PUM3: variants seen among roughly 807,000 people sequenced by gnomAD.
PUM3 encodes the protein pumilio homolog 3.
In PUM3, 91 loss-of-function variants were observed where a neutral mutation model predicts 84.0. The observed-to-expected ratio is 1.08, with a 90% confidence interval of 0.91 to 1.29. The LOEUF (loss-of-function observed/expected upper bound fraction) is 1.29. PUM3 is among the 50% of genes most tolerant of loss of function. The pLI is 0.00. For missense variants in PUM3, 1,067 were observed against 767.5 expected (o/e 1.39, Z -4.61); for synonymous variants, 321 against 266.7 (o/e 1.20, Z -1.98).
chr9:2,840,895 C>A (rs1472259698), intron 1 of PUM3, among the ~76,000 whole-genome samples: 1 of 152,236 alleles, frequency 6.6e-6, no homozygotes, highest in African/African-American at 2.4e-5. Flanking sequence ...GAGTGCTAGG[C>A]GCACTTGTTG....
chr9:2,816,649 C>G (rs1002745396), intron 13 of PUM3, among the ~76,000 whole-genome samples: 2 of 152,164 alleles, frequency 1.3e-5, no homozygotes, highest in African/African-American at 4.8e-5. Context: ...ACAGTCCCTC[C>G]CACATCTCCT....
chr9:2,817,488 C>T (rs1821495953), intron 13 of PUM3, among the ~76,000 whole-genome samples: 1 of 151,844 alleles, frequency 6.6e-6, no homozygotes, highest in Non-Finnish European at 1.5e-5. Flanking sequence ...GCTTGCTGAC[C>T]CCTGACAATA....
chr9:2,824,910 G>A (rs1303696488), intron 10 of PUM3, 95 bp from the exon 11 acceptor site: 6 of 708,260 alleles, frequency 8.5e-6, no homozygotes, highest in Non-Finnish European at 1.2e-5. Context: ...TATGCAGAGA[G>A]AAGGAAAGGA....
In PUM3 at chr9:2,829,756, G is replaced by T; in HGVS notation, c.852+18C>A. On this transcript the variant is annotated intron_variant, in intron 8 of 17. Coordinates refer to ENST00000397885, the MANE Select transcript of PUM3 (RefSeq NM_014878.5). ...TCGAAAAGTAAAAATACTAGAAAAA[G>T]ACTTCTGGAGATGTCACCTTGTAAA... 1 of 1,589,192 alleles carries T rather than the reference G, an allele frequency of 6.3e-7. No homozygotes were observed. Among genetic ancestry groups the T allele is most frequent in the Non-Finnish European group, 8.6e-7 (1 of 1,164,260 alleles).
rs540270811 is a variant in PUM3 at position 2,807,902 on chromosome 9, A to C, written c.1726T>G (p.Cys576Gly). 1.8e-5 allele frequency: 29 copies of C among 1,601,460 alleles called. No individual in the cohort carries two copies. The highest frequency in any genetic ancestry group is 2.5e-5 in the Non-Finnish European group (29 of 1,169,304). The change falls in exon 17 of 18, where the codon TGT becomes GGT. Residue 576 changes from cysteine (C) to glycine (G), a missense_variant and splice_region_variant. Physicochemically the swap from Cys to Gly is radical, Grantham distance 159 (BLOSUM62 -3). Coordinates refer to ENST00000397885, the MANE Select transcript of PUM3 (RefSeq NM_014878.5). Reference protein sequence around the residue: ...KKMKENGREGCFAKTLVEHVG... With the variant: ...KKMKENGREGGFAKTLVEHVG... ...TGCTCTACAAGTGTTTTTGCAAAACAACCTGTAAAATATACTGAAGCTTAG... is the reference window on the plus strand; with the variant it reads ...TGCTCTACAAGTGTTTTTGCAAAACCACCTGTAAAATATACTGAAGCTTAG...
chr9:2,804,608 A>G, intron 17 of PUM3, 145 bp from the exon 18 acceptor site: 1 of 765,600 alleles, frequency 1.3e-6, no homozygotes, highest in Non-Finnish European at 2.0e-6. Flanking sequence ...AGGATGAATG[A>G]TGAGACCAGT....
chr9:2,825,428 C>G (rs1175148837), intron 10 of PUM3, among the ~76,000 whole-genome samples: 2 of 152,060 alleles, frequency 1.3e-5, no homozygotes, highest in African/African-American at 4.8e-5. Flanking sequence ...CACTAGGTAG[C>G]TTAGCTTAAT....
chr9:2,823,737 T>C, intron 12 of PUM3, 44 bp downstream of exon 12: 1 of 877,072 alleles, frequency 1.1e-6, no homozygotes, highest in South Asian at 2.0e-5. Context: ...TGAATTCATC[T>C]TACTATCAAA....
chr9:2,805,023 G>A (rs1821232486), intron 17 of PUM3, among the ~76,000 whole-genome samples: 1 of 152,110 alleles, frequency 6.6e-6, no homozygotes, highest in African/African-American at 2.4e-5. Flanking sequence ...CACTGCTTGG[G>A]TGGGAAACCT....
rs1815889683 is a variant in PUM3 at position 2,828,733 on chromosome 9, C to T, written c.898G>A (p.Glu300Lys). 1 of 1,609,784 alleles carries T rather than the reference C, an allele frequency of 6.2e-7. No homozygotes were observed. Among genetic ancestry groups the T allele is most frequent in the East Asian group, 2.2e-5 (1 of 44,822 alleles). Reference sequence around the variant, plus strand: ...TCATCCATAATAAGTTCTAATTTTTCTGGCTGTACCTCTAACACTTTGTCC... The same window carrying T: ...TCATCCATAATAAGTTCTAATTTTTTTGGCTGTACCTCTAACACTTTGTCC... ...TLDKVLEVQP[E>K]KLELIMDEMK... is the part of the protein sequence containing the mutation. Residue 300 changes from glutamate (E) to lysine (K), a missense_variant, in exon 9 of 18, where the codon GAA becomes AAA. Physicochemically the swap from Glu to Lys is moderately conservative, Grantham distance 56 (BLOSUM62 1). Coordinates refer to ENST00000397885, the MANE Select transcript of PUM3 (RefSeq NM_014878.5).
intron 17 of PUM3, among the ~76,000 whole-genome samples, chr9:2,806,693 C>T (rs1485148343): frequency 6.6e-6 from 1 of 152,140 alleles, no homozygotes; most frequent in Non-Finnish European, 1.5e-5. Flanking sequence ...TGATTATAAA[C>T]TCAACTAAGT....
At chr9:2,823,893 G>T in intron 11 of PUM3, 59 bp from the exon 12 acceptor site, 1 of 834,588 alleles carries the variant, frequency 1.2e-6, no homozygotes, top group Non-Finnish European at 1.9e-6. Flanking sequence ...GTATTTTGTA[G>T]TTAAACATTT....
At chr9:2,823,408 A>C (rs1815722257) in intron 12 of PUM3, among the ~76,000 whole-genome samples, 3 of 152,254 alleles carry the variant, frequency 2.0e-5, no homozygotes, top group Admixed American at 6.5e-5. Context: ...TCTGAAGTGC[A>C]ATCTGGCATC....
intron 17 of PUM3, 75 bp downstream of exon 17, chr9:2,807,739 G>C: frequency 2.1e-6 from 2 of 933,030 alleles, no homozygotes; most frequent in Non-Finnish European, 1.7e-6. Context: ...TATTAGAACT[G>C]AGAAATCAAC....
At chr9:2,808,262 C>G (rs912606952) in intron 16 of PUM3, among the ~76,000 whole-genome samples, 1 of 152,194 alleles carries the variant, frequency 6.6e-6, no homozygotes. Flanking sequence ...TTCACAGTAG[C>G]ACCTCATGCT....
rs1563825693 is a variant in PUM3, at chr9:2,811,246, G to C, written c.1635+115C>G. 3 of 774,036 alleles carry C rather than the reference G, an allele frequency of 3.9e-6. No individual in the cohort carries two copies. In the East Asian group the frequency reaches 7.3e-5, roughly 19 times the overall value. 47.9% of individuals were successfully genotyped at this position (774,036 alleles called of 1,614,324 possible). ...TTGCTGCTGTGAGAGGTTCTTGGTT[G>C]TTTATTCAACAGGTATCTCCCTCCC... On this transcript the variant is annotated intron_variant, in intron 15 of 17. Transcript: ENST00000397885.
rs114738051 is a variant in PUM3 at position 2,816,201 on chromosome 9, G to C, written c.1269+3817C>G. Among the ~76,000 whole-genome samples the C allele has an allele frequency of 9.6e-3, 1,463 of 152,304 alleles. 19 individuals are homozygous for C. Among genetic ancestry groups the C allele is most frequent in the Middle Eastern group, 0.037 (11 of 294 alleles). On this transcript the variant is annotated intron_variant, in intron 13 of 17. Coordinates refer to ENST00000397885, the MANE Select transcript of PUM3 (RefSeq NM_014878.5). The stretch of plus-strand genomic sequence containing the variant: ...GCAGACTACTGCATAGAACCTAAAA[G>C]CTAGTGAAGAGGGAAGAGAGTTAAT...
intron 10 of PUM3, among the ~76,000 whole-genome samples, chr9:2,826,786 G>T (rs1815834695): frequency 6.6e-6 from 1 of 152,016 alleles, no homozygotes; most frequent in African/African-American, 2.4e-5. Flanking sequence ...TCCTCCACGA[G>T]TTAGTTAATT....
chr9:2,808,135 G>A (rs1387476919), intron 16 of PUM3, among the ~76,000 whole-genome samples: 2 of 152,194 alleles, frequency 1.3e-5, no homozygotes, highest in Non-Finnish European at 2.9e-5. Flanking sequence ...ATGTTTAGCA[G>A]TAATTACTCA....
Sources: gnomAD v4.1 joint callset for allele counts (sites outside exome capture counted in the v4.1 genomes callset) on GRCh38, gnomAD v4.1.1 for gene constraint, MANE v1.5 for transcripts, NCBI Gene and HGNC (gene_info 2026-07-23, HGNC 2026-07-21) for gene names.